Variants in NRG1 observed in about 807,000 individuals in gnomAD.
The protein encoded by NRG1 is pro-neuregulin-1, membrane-bound isoform.
Under a neutral mutation model 63.8 loss-of-function variants are expected in NRG1, and 18 were observed. The ratio of observed to expected loss-of-function variants is 0.28; its 90% CI spans 0.19 to 0.42. NRG1 has a LOEUF of 0.42. Ranked by LOEUF, NRG1 falls within the 10% of genes least tolerant of loss-of-function variation. NRG1 has a pLI of 1.00. For missense variants in NRG1, 762 were observed against 814.7 expected, an observed-to-expected ratio of 0.94 and a Z score of 0.79; for synonymous variants, 302 against 301.3, an observed-to-expected ratio of 1.00 and a Z score of -0.02.
intron 1 of NRG1, among the ~76,000 whole-genome samples, chr8:32,147,526 C>T (rs1163991894): frequency 6.6e-6 from 1 of 152,170 alleles, no homozygotes; most frequent in East Asian, 1.9e-4. Flanking sequence ...CTCTTCCCTC[C>T]TAAGTAAATC....
intron 7 of NRG1, among the ~76,000 whole-genome samples, chr8:32,748,364 G>C (rs867292636): frequency 0.13 from 15,515 of 122,170 alleles, 887 homozygotes; most frequent in East Asian, 0.19. Flanking sequence ...CACACAGAGA[G>C]AGAGAGAGAG....
chr8:31,971,373 T>A (rs1162056895), intron 1 of NRG1, among the ~76,000 whole-genome samples: 2 of 152,184 alleles, frequency 1.3e-5, no homozygotes, highest in Non-Finnish European at 2.9e-5. Flanking sequence ...ATATTTTCAT[T>A]TTTTACATTT....
intron 5 of NRG1, among the ~76,000 whole-genome samples, chr8:32,632,401 T>G (rs780870149): frequency 6.6e-6 from 1 of 151,902 alleles, no homozygotes; most frequent in African/African-American, 2.4e-5. Flanking sequence ...AATACAAAAT[T>G]AGCCGGGCGT....
intron 1 of NRG1, among the ~76,000 whole-genome samples, chr8:31,779,137 G>T (rs764108164): frequency 6.6e-6 from 1 of 152,076 alleles, no homozygotes; most frequent in African/African-American, 2.4e-5. Flanking sequence ...GATCTTGGTG[G>T]ATTCTTAAGA....
intron 1 of NRG1, among the ~76,000 whole-genome samples, chr8:31,801,366 G>A (rs1233127257): frequency 6.6e-6 from 1 of 151,920 alleles, no homozygotes; most frequent in Non-Finnish European, 1.5e-5. Context: ...TTGTGTATTG[G>A]CTATTCTCTT....
intron 5 of NRG1, among the ~76,000 whole-genome samples, chr8:32,625,912 G>A (rs1849177141): frequency 6.6e-6 from 1 of 151,298 alleles, no homozygotes; most frequent in Non-Finnish European, 1.5e-5. Flanking sequence ...TTTTGCCTCA[G>A]CTTCCCAAGT....
intron 1 of NRG1, among the ~76,000 whole-genome samples, chr8:31,925,190 C>T (rs6468068): frequency 7.5e-6 from 1 of 132,558 alleles, no homozygotes; most frequent in Non-Finnish European, 1.6e-5. Context: ...GACTTGTTTC[C>T]TCAGCTACTG....
At chr8:31,639,443 G>T (rs1258540830) in intron 1 of NRG1, 46 of 1,534,364 alleles carry the variant, frequency 3.0e-5, no homozygotes, top group Non-Finnish European at 2.4e-5. Context: ...TAAACAGGCT[G>T]GCGAGGCGCA....
chr8:32,182,454 C>A (rs1841537405), intron 1 of NRG1, among the ~76,000 whole-genome samples: 1 of 152,144 alleles, frequency 6.6e-6, no homozygotes, highest in South Asian at 2.1e-4. Flanking sequence ...ACCATGTTGG[C>A]CAGGCTGGTC....
At chr8:31,639,320 A>G in exon 1 of NRG1, 1 of 1,519,278 alleles carries the variant, frequency 6.6e-7, no homozygotes, top group Non-Finnish European at 8.8e-7. Context: ...GGGGCGACAG[A>G]GAGGGAGGAG....
intron 1 of NRG1, among the ~76,000 whole-genome samples, chr8:31,907,734 C>T (rs757023484): frequency 3.3e-5 from 5 of 152,018 alleles, no homozygotes; most frequent in Admixed American, 6.6e-5. Context: ...TAGGGTGATA[C>T]GAAAATTATT....
intron 1 of NRG1, among the ~76,000 whole-genome samples, chr8:31,690,242 A>C (rs59111835): frequency 1.1e-4 from 1 of 8,724 alleles, no homozygotes; most frequent in Non-Finnish European, 7.5e-4. Flanking sequence ...GTCATTTATA[A>C]ATTTCCTCTA....
At chr8:32,185,777 G>T (rs1310198510) in intron 1 of NRG1, among the ~76,000 whole-genome samples, 1 of 152,156 alleles carries the variant, frequency 6.6e-6, no homozygotes, top group Non-Finnish European at 1.5e-5. Context: ...CATGGGAACA[G>T]TTAATAATTC....
chr8:32,173,071 G>A (rs1412909935), intron 1 of NRG1, among the ~76,000 whole-genome samples: 2 of 152,096 alleles, frequency 1.3e-5, no homozygotes, highest in African/African-American at 2.4e-5. Context: ...AGGAAAAAAT[G>A]TTAAGGGCAG....
chr8:31,855,532 A>G (rs1827767560), intron 1 of NRG1, among the ~76,000 whole-genome samples: 1 of 152,104 alleles, frequency 6.6e-6, no homozygotes, highest in South Asian at 2.1e-4. Flanking sequence ...GGTTTCCTGA[A>G]TACAGCACAC....
At chr8:32,705,010 G>C (rs1240119798) in intron 5 of NRG1, among the ~76,000 whole-genome samples, 1 of 151,804 alleles carries the variant, frequency 6.6e-6, no homozygotes, top group African/African-American at 2.4e-5. Flanking sequence ...TTCTATTGTT[G>C]GATATATTTA....
intron 1 of NRG1, among the ~76,000 whole-genome samples, chr8:32,161,566 G>GA (rs11330845): frequency 0.015 from 2,189 of 146,640 alleles, 56 homozygotes; most frequent in African/African-American, 0.048. Flanking sequence ...TCATGCAAAT[G>GA]AAAAAAAAAA....
At chr8:32,562,203 G>A (rs1424325640) in intron 1 of NRG1, among the ~76,000 whole-genome samples, 1 of 151,958 alleles carries the variant, frequency 6.6e-6, no homozygotes, top group Non-Finnish European at 1.5e-5. Flanking sequence ...TTCACTGGGG[G>A]CCCATCCAAA....
chr8:32,114,215 A>G (rs1832407963), intron 1 of NRG1, among the ~76,000 whole-genome samples: 1 of 152,234 alleles, frequency 6.6e-6, no homozygotes. Flanking sequence ...CAGTTTTAAA[A>G]TAACATTTTA....
Sources: allele counts gnomAD v4.1 joint callset (sites outside exome capture counted in the v4.1 genomes callset), GRCh38; gene constraint gnomAD v4.1.1; transcripts MANE v1.5; gene names NCBI Gene and HGNC (gene_info 2026-07-23, HGNC 2026-07-21).